Variants in DMD observed in about 807,000 individuals in gnomAD.
The protein encoded by DMD is dystrophin, also known as mutant dystrophin.
In DMD, 63 loss-of-function variants were observed where a neutral mutation model predicts 330.1. That is an observed-to-expected ratio of 0.19 (90% confidence interval 0.16 to 0.24). The LOEUF (loss-of-function observed/expected upper bound fraction) is 0.24. Ranked by LOEUF, DMD falls within the 10% of genes least tolerant of loss-of-function variation. The pLI, the probability that DMD is intolerant of heterozygous loss-of-function variation, is 1.00. For missense variants in DMD, 3,344 were observed against 2,684.1 expected, an observed-to-expected ratio of 1.25 and a Z score of -5.43; for synonymous variants, 1,223 against 959.8, an observed-to-expected ratio of 1.27 and a Z score of -5.07.
chrX:31,928,891 C>A (rs1192705624), intron 47 of DMD, among the ~76,000 whole-genome samples: 2 of 111,377 alleles, frequency 1.8e-5, no homozygotes. Context: ...GAAGAGGATA[C>A]AGAATCCAGA....
intron 75 of DMD, 100 bp downstream of exon 75, chrX:31,147,175 G>T: frequency 1.8e-6 from 2 of 1,099,434 alleles, no homozygotes; most frequent in Non-Finnish European, 1.2e-6. Flanking sequence ...AAGCACTTAA[G>T]AATTGATGCT....
intron 20 of DMD, among the ~76,000 whole-genome samples, chrX:32,486,981 A>T (rs930317223): frequency 2.7e-5 from 3 of 111,147 alleles, no homozygotes; most frequent in African/African-American, 9.8e-5. Context: ...CAATGGCAAC[A>T]AAAGACAAAT....
At chrX:33,028,749 A>ATGTGTATTATCTATGTG (rs201964267) in intron 1 of DMD, among the ~76,000 whole-genome samples, 6,812 of 111,957 alleles carry the variant, frequency 0.061, 220 homozygotes, top group East Asian at 0.21. Context: ...AATTATGCAT[A>ATGTGTATTATCTATGTG]TGTGTTACAC....
rs187902461 is a variant in DMD, at chrX:32,294,609, T to C, written c.6118-6908A>G. ...ACTAACGCGGGAAAACTTTCTATCT[T>C]AAAGGAGAAAAGCAAAAAGCAAAAA... On this transcript the variant is annotated intron_variant, in intron 42 of 78. Transcript: ENST00000357033. 3.6e-5 allele frequency among the ~76,000 whole-genome samples: 4 copies of C among 111,367 alleles called. No individual in the cohort carries two copies. In the Admixed American group the frequency reaches 3.8e-4, roughly 11 times the overall value.
rs750191862 is a variant in DMD at position 33,153,552 on chromosome X, C to T, written c.31+57730G>A. ...TACTGTAGACGTAAAAAATTTAAAACGTATGAAAACTGGGATATATCAATT... is the reference window on the plus strand; with the variant it reads ...TACTGTAGACGTAAAAAATTTAAAATGTATGAAAACTGGGATATATCAATT... On this transcript the variant is annotated intron_variant, in intron 1 of 78. Transcript: ENST00000357033. Among the ~76,000 whole-genome samples, 5 of 112,477 alleles carry T rather than the reference C, an allele frequency of 4.4e-5. No individual in the cohort carries two copies. The South Asian group carries it at 1.8e-3, about 41-fold the overall frequency.
At chrX:32,736,661 C>T (rs1377499764) in intron 7 of DMD, among the ~76,000 whole-genome samples, 1 of 106,550 alleles carries the variant, frequency 9.4e-6, no homozygotes, top group Non-Finnish European at 1.9e-5. Flanking sequence ...TAAACTATCG[C>T]AAGAACAAAA....
chrX:31,765,255 A>G (rs1286480434), intron 51 of DMD, among the ~76,000 whole-genome samples: 1 of 112,219 alleles, frequency 8.9e-6, no homozygotes, highest in Non-Finnish European at 1.9e-5. Flanking sequence ...TTAGAATAAG[A>G]AATCACAATT....
chrX:32,857,708 G>C (rs1285046010), intron 2 of DMD, among the ~76,000 whole-genome samples: 3 of 111,676 alleles, frequency 2.7e-5, no homozygotes, highest in Non-Finnish European at 5.6e-5. Flanking sequence ...GAGGAGCAGA[G>C]ACTGGGAAAG....
chrX:33,097,043 T>C (rs1042149904), intron 1 of DMD, among the ~76,000 whole-genome samples: 6 of 111,662 alleles, frequency 5.4e-5, no homozygotes, highest in African/African-American at 2.0e-4. Flanking sequence ...GGTCTCAGTA[T>C]AGTTCTATGT....
At chrX:31,322,602 T>G (rs925243339) in intron 62 of DMD, among the ~76,000 whole-genome samples, 4 of 112,031 alleles carry the variant, frequency 3.6e-5, no homozygotes, top group Non-Finnish European at 5.6e-5. Context: ...TTTTTCTGAG[T>G]TAACAAAATA....
At chrX:32,442,281 G>C (rs2098284301) in intron 27 of DMD, among the ~76,000 whole-genome samples, 1 of 110,727 alleles carries the variant, frequency 9.0e-6, no homozygotes, top group Non-Finnish European at 1.9e-5. Flanking sequence ...TGCAACATCT[G>C]TAACACATAA....
chrX:32,280,146 ATATATATATATATATACAG>A (rs201207850), intron 43 of DMD, among the ~76,000 whole-genome samples: 3,150 of 29,499 alleles, frequency 0.11, 140 homozygotes, highest in African/African-American at 0.43. Context: ...TATATACAGT[ATATATATATATATATACAG>A]TATATATATA....
At chrX:31,951,141 G>GTATATATA (rs1557025416) in intron 45 of DMD, among the ~76,000 whole-genome samples, 1 of 72,823 alleles carries the variant, frequency 1.4e-5, no homozygotes, top group African/African-American at 5.9e-5. Flanking sequence ...ATATATATAT[G>GTATATATA]TGTATATATA....
chrX:31,889,660 CACA>C (rs2094211304), intron 47 of DMD, among the ~76,000 whole-genome samples: 1 of 76,381 alleles, frequency 1.3e-5, no homozygotes, highest in Admixed American at 1.3e-4. Context: ...CACACACACA[CACA>C]CACACACACA....
intron 9 of DMD, among the ~76,000 whole-genome samples, chrX:32,661,170 TTCATCGTGTGTA>T (rs2060919281): frequency 2.7e-5 from 3 of 111,468 alleles, no homozygotes; most frequent in South Asian, 3.7e-4. Flanking sequence ...AGAACCCCAG[TTCATCGTGTGTA>T]TCTCCTAAGT....
chrX:31,169,374 T>G, intron 74 of DMD, 69 bp downstream of exon 74: 1 of 830,959 alleles, frequency 1.2e-6, no homozygotes, highest in Non-Finnish European at 1.8e-6. Context: ...TGAAGATTCC[T>G]GGCACTTTTC....
intron 2 of DMD, among the ~76,000 whole-genome samples, chrX:32,996,580 T>C (rs1312086850): frequency 9.0e-6 from 1 of 111,569 alleles, no homozygotes; most frequent in Admixed American, 9.5e-5. Flanking sequence ...CCCAGCACTT[T>C]GGGAGGCAGA....
chrX:31,687,976 C>G lies in DMD; in HGVS notation c.7661-8390G>C, dbSNP rs768247229. Among the ~76,000 whole-genome samples, 12 of 110,885 alleles carry G rather than the reference C, an allele frequency of 1.1e-4. No individual in the cohort carries two copies. In the South Asian group the frequency reaches 4.6e-3, roughly 43 times the overall value. ...TGTCCCTTTGTATCAACTTTCTATC[C>G]CTATCTCTTTCTCTACCTCCTGTTT... On this transcript the variant is annotated intron_variant, in intron 52 of 78. Coordinates refer to ENST00000357033, the MANE Select transcript of DMD (RefSeq NM_004006.3).
intron 59 of DMD, among the ~76,000 whole-genome samples, chrX:31,471,729 A>C (rs1325604821): frequency 2.7e-5 from 3 of 112,432 alleles, no homozygotes; most frequent in African/African-American, 9.7e-5. Context: ...AATTCACATA[A>C]TCCATAATCT....
Sources: gnomAD v4.1 joint callset for allele counts (sites outside exome capture counted in the v4.1 genomes callset) on GRCh38, gnomAD v4.1.1 for gene constraint, MANE v1.5 for transcripts, NCBI Gene and HGNC (gene_info 2026-07-23, HGNC 2026-07-21) for gene names.